Variants in DDX23 observed in about 807,000 individuals in gnomAD.
DDX23 encodes the protein probable ATP-dependent RNA helicase DDX23.
DDX23 carries 33 observed loss-of-function variants against 102.7 expected under a neutral mutation model. That is an observed-to-expected ratio of 0.32 (90% CI 0.24 to 0.43). The LOEUF (loss-of-function observed/expected upper bound fraction) is 0.43. Ranked by LOEUF, DDX23 falls within the 20% of genes least tolerant of loss-of-function variation. The pLI is 1.00. For synonymous variants in DDX23, 352 were observed against 376.0 expected, an observed-to-expected ratio of 0.94 and a Z score of 0.74; for missense variants, 549 against 1,086.6, an observed-to-expected ratio of 0.51 and a Z score of 6.96.
intron 15 of DDX23, 83 bp downstream of exon 15, chr12:48,831,995 G>A: frequency 1.5e-6 from 2 of 1,310,310 alleles, no homozygotes; most frequent in Non-Finnish European, 2.2e-6. Context: ...GGTGAGACTT[G>A]AAAGGAAGAG....
At chr12:48,848,653 C>T (rs919299162) in intron 1 of DDX23, among the ~76,000 whole-genome samples, 1 of 152,174 alleles carries the variant, frequency 6.6e-6, no homozygotes, top group Non-Finnish European at 1.5e-5. Context: ...GGCACAATCA[C>T]GGCACACTGC....
chr12:48,830,278 A>G lies in DDX23; in HGVS notation c.*191T>C. 1 of 736,788 alleles carries G rather than the reference A, an allele frequency of 1.4e-6. No homozygotes were observed. Among genetic ancestry groups the G allele is most frequent in the Non-Finnish European group, 2.4e-6 (1 of 418,368 alleles). 45.6% of individuals were successfully genotyped at this position (736,788 alleles called of 1,614,324 possible). On this transcript the variant is annotated 3_prime_UTR_variant, in exon 17 of 17. Coordinates refer to ENST00000308025, the MANE Select transcript of DDX23 (RefSeq NM_004818.3). The surrounding 1 kb of genome is among the most constrained non-coding windows in gnomAD (Gnocchi z 4.9). ...GTAATTTGCTCTCCCTGCCTCCGACAGCGTCGTCCTCTCCTTTTGCAGCCC... is the reference window on the plus strand; with the variant it reads ...GTAATTTGCTCTCCCTGCCTCCGACGGCGTCGTCCTCTCCTTTTGCAGCCC...
chr12:48,844,145 T>G, intron 2 of DDX23, 95 bp from the exon 3 acceptor site: 1 of 1,138,382 alleles, frequency 8.8e-7, no homozygotes, highest in South Asian at 1.3e-5. Flanking sequence ...CGTCCCAAAG[T>G]AATGTTTTAC....
chr12:48,844,716 C>T (rs762676049), intron 2 of DDX23, among the ~76,000 whole-genome samples: 5 of 151,236 alleles, frequency 3.3e-5, no homozygotes, highest in Admixed American at 6.6e-5. Flanking sequence ...CGTGATCCAC[C>T]TGCCTCGGCC....
chr12:48,836,450 A>G lies in DDX23; in HGVS notation c.1236+119T>C. 1 of 1,254,858 alleles carries G rather than the reference A, an allele frequency of 8.0e-7. No individual in the cohort carries two copies. The highest frequency in any genetic ancestry group is 1.5e-5 in the African/African-American group (1 of 66,858). The allele number at this position is 1,254,858 out of a possible 1,614,324, so 77.7% of individuals were successfully genotyped here. ...ACACTTCTACCAGAAAGTGACAGAA[A>G]AGGTCACATTGGTGCCCACTAGCAG... On this transcript the variant is annotated intron_variant, in intron 10 of 16. Coordinates refer to ENST00000308025, the MANE Select transcript of DDX23 (RefSeq NM_004818.3). The surrounding 1 kb of genome is among the most constrained non-coding windows in gnomAD (Gnocchi z 6.1).
Position 48,831,609 on chromosome 12 carries a change from C to T in DDX23, c.2065-293G>A, listed in dbSNP as rs576044472. On this transcript the variant is annotated intron_variant, in intron 15 of 16. Transcript: ENST00000308025. The stretch of plus-strand genomic sequence containing the variant: ...AAAAGTCCTCAAAGAGAATTAGGGG[C>T]GAGATCAGGGTAGAAAGCAGGGATC... Among the ~76,000 whole-genome samples, 7 of 152,064 alleles carry T rather than the reference C, an allele frequency of 4.6e-5. No individual in the cohort carries two copies. In the South Asian group the frequency reaches 1.2e-3, roughly 27 times the overall value.
At position 48,830,045 on chromosome 12, in the gene DDX23, G is replaced by C. The variant is rs764580007; in HGVS notation, c.*424C>G. The C allele has an allele frequency of 9.3e-5, 34 of 366,028 alleles. No homozygotes were observed. Among genetic ancestry groups the C allele is most frequent in the Non-Finnish European group, 1.6e-4 (29 of 186,626 alleles). 22.7% of individuals were successfully genotyped at this position (366,028 alleles called of 1,614,324 possible). A position where few individuals can be genotyped will look rare whatever the true frequency, so the allele number is the denominator to read the frequency against. ...ACTGTCTGTAATCCTCATGGTGCCA[G>C]GTCTCCTGGGGCATCTAGGGCAATG... On this transcript the variant is annotated 3_prime_UTR_variant, in exon 17 of 17. Coordinates refer to ENST00000308025, the MANE Select transcript of DDX23 (RefSeq NM_004818.3). The surrounding 1 kb of genome is among the most constrained non-coding windows in gnomAD (Gnocchi z 4.9).
At position 48,830,441 on chromosome 12, in the gene DDX23, G is replaced by C. The variant is rs368791808; in HGVS notation, c.*28C>G. On this transcript the variant is annotated 3_prime_UTR_variant, in exon 17 of 17. Transcript: ENST00000308025. This position sits in a 1 kb window ranked among gnomAD's most constrained non-coding sequence, Gnocchi z 4.9. ...ACAGGCATCAGGCAGCTTTGGAGAT[G>C]CCCTCAGCCCACAGGAAGAGTGCTG... 3.1e-6 allele frequency: 5 copies of C among 1,612,370 alleles called. No homozygotes were observed. Among genetic ancestry groups the C allele is most frequent in the Non-Finnish European group, 3.4e-6 (4 of 1,178,494 alleles).
At chr12:48,848,109 C>A (rs1938697105) in intron 1 of DDX23, among the ~76,000 whole-genome samples, 1 of 152,032 alleles carries the variant, frequency 6.6e-6, no homozygotes, top group Non-Finnish European at 1.5e-5. Context: ...CAGGGTGAAA[C>A]CCCGTCTCCA....
chr12:48,832,223 C>T lies in DDX23; in HGVS notation c.1956-37G>A, dbSNP rs772790457. The T allele has an allele frequency of 6.2e-7, 1 of 1,606,604 alleles. No homozygotes were observed. ...AGGAGAAAAACAAGATGCATAATAC[C>T]TCCCACTCCAAGTGAAATGCCCAAC... On this transcript the variant is annotated intron_variant, in intron 14 of 16. Transcript: ENST00000308025. This position sits in a 1 kb window ranked among gnomAD's most constrained non-coding sequence, Gnocchi z 4.4.
chr12:48,831,961 G>C (rs894918936), intron 15 of DDX23, 117 bp downstream of exon 15: 127 of 924,028 alleles, frequency 1.4e-4, no homozygotes, highest in Non-Finnish European at 2.1e-4. Flanking sequence ...CTAACTTGTT[G>C]ATTGCTGGAC....
chr12:48,830,423 T>G lies in DDX23; in HGVS notation c.*46A>C. Reference sequence around the variant, plus strand: ...ATGTGAGGGTTCTGAAAAACAGGCATCAGGCAGCTTTGGAGATGCCCTCAG... The same window carrying G: ...ATGTGAGGGTTCTGAAAAACAGGCAGCAGGCAGCTTTGGAGATGCCCTCAG... On this transcript the variant is annotated 3_prime_UTR_variant, in exon 17 of 17. Coordinates refer to ENST00000308025, the MANE Select transcript of DDX23 (RefSeq NM_004818.3). This position sits in a 1 kb window ranked among gnomAD's most constrained non-coding sequence, Gnocchi z 4.9. 1 of 1,601,498 alleles carries G rather than the reference T, an allele frequency of 6.2e-7. No individual in the cohort carries two copies. Among genetic ancestry groups the G allele is most frequent in the East Asian group, 2.2e-5 (1 of 44,826 alleles).
rs1276249364 is a variant in DDX23, at chr12:48,836,477, G to A, written c.1236+92C>T. 17 of 1,371,790 alleles carry A rather than the reference G, an allele frequency of 1.2e-5. No homozygotes were observed. The highest frequency in any genetic ancestry group is 2.9e-5 in the African/African-American group (2 of 69,590). 85.0% of individuals were successfully genotyped at this position (1,371,790 alleles called of 1,614,324 possible). A position where few individuals can be genotyped will look rare whatever the true frequency, so the allele number is the denominator to read the frequency against. On this transcript the variant is annotated intron_variant, in intron 10 of 16. Coordinates refer to ENST00000308025, the MANE Select transcript of DDX23 (RefSeq NM_004818.3). This position sits in a 1 kb window ranked among gnomAD's most constrained non-coding sequence, Gnocchi z 6.1. ...GGTCACATTGGTGCCCACTAGCAGCGATGGCTCCAAATAGTCAAGGAACAA... is the reference window on the plus strand; with the variant it reads ...GGTCACATTGGTGCCCACTAGCAGCAATGGCTCCAAATAGTCAAGGAACAA...
chr12:48,850,401 A>G (rs1289153762), intron 1 of DDX23, among the ~76,000 whole-genome samples: 3 of 152,222 alleles, frequency 2.0e-5, no homozygotes, highest in Non-Finnish European at 4.4e-5. Context: ...CAAACGTTTC[A>G]TTTTGGCCAG....
At chr12:48,849,859 T>A (rs1938730397) in intron 1 of DDX23, among the ~76,000 whole-genome samples, 1 of 152,188 alleles carries the variant, frequency 6.6e-6, no homozygotes, top group South Asian at 2.1e-4. Context: ...CCCATGCCCC[T>A]TCGCTCCTGC....
chr12:48,838,655 G>A (rs1938500633), intron 5 of DDX23, among the ~76,000 whole-genome samples: 1 of 151,320 alleles, frequency 6.6e-6, no homozygotes. Flanking sequence ...TTCAAGACAA[G>A]CCTGGCCAGC....
At chr12:48,834,676 G>C (rs935712376) in intron 11 of DDX23, 179 bp from the exon 12 acceptor site, 1 of 567,604 alleles carries the variant, frequency 1.8e-6, no homozygotes, top group African/African-American at 1.9e-5. Flanking sequence ...GCTCATGTCT[G>C]TAATCCCAGA....
rs1938408812 is a variant in DDX23, at chr12:48,832,683, T to C, written c.1804-110A>G. On this transcript the variant is annotated intron_variant, in intron 13 of 16. Transcript: ENST00000308025. This position sits in a 1 kb window ranked among gnomAD's most constrained non-coding sequence, Gnocchi z 4.4. ...AAAGAATCTAAAATGGGCCACAGTA[T>C]AGGCTTTGATAGCCACCACCTTAGA... 1.7e-5 allele frequency: 23 copies of C among 1,321,340 alleles called. No homozygotes were observed. In the South Asian group the frequency reaches 3.5e-4, roughly 20 times the overall value. The allele number at this position is 1,321,340 out of a possible 1,614,324, so 81.9% of individuals were successfully genotyped here. A position where few individuals can be genotyped will look rare whatever the true frequency, so the allele number is the denominator to read the frequency against.
At chr12:48,834,709 G>C (rs1241756381) in intron 11 of DDX23, 3 of 449,496 alleles carry the variant, frequency 6.7e-6, no homozygotes, top group African/African-American at 2.0e-5. Context: ...TGAGGCAGGC[G>C]GATCACCTGA....
Sources: allele counts gnomAD v4.1 joint callset (sites outside exome capture counted in the v4.1 genomes callset), GRCh38; gene constraint gnomAD v4.1.1; non-coding constraint Gnocchi (gnomAD v3.1); transcripts MANE v1.5; gene names NCBI Gene and HGNC (gene_info 2026-07-23, HGNC 2026-07-21).